Variants in MBL2 observed in about 807,000 individuals in gnomAD.
The protein encoded by MBL2 is mannose binding lectin 2, also known as mannose-binding protein C.
A neutral mutation model predicts 12.7 loss-of-function variants in MBL2; 6 were observed. The ratio of observed to expected loss-of-function variants is 0.47; its 90% CI spans 0.26 to 0.94. MBL2 has a LOEUF of 0.94. MBL2 is among the 40% of genes least tolerant of loss of function. The pLI, the probability that MBL2 is intolerant of heterozygous loss-of-function variation, is 0.15. For missense variants in MBL2, 307 were observed against 295.2 expected (o/e 1.04, Z -0.29); for synonymous variants, 114 against 112.0 (o/e 1.02, Z -0.11).
In MBL2 at chr10:52,768,226, C is replaced by T. The variant is rs772528379; in HGVS notation, c.658G>A (p.Glu220Lys). Reference sequence around the variant, plus strand: ...TTTTTCAGTAGCAATACACAATCTTCATCAGAACCAGCATTGTTGGGTTCA... The same window carrying T: ...TTTTTCAGTAGCAATACACAATCTTTATCAGAACCAGCATTGTTGGGTTCA... ...EGEPNNAGSD[E>K]DCVLLLKNGQ... Residue 220 changes from glutamate (E) to lysine (K), a missense_variant, in exon 5 of 5, where the codon GAA becomes AAA. Glu to Lys is a moderately conservative substitution (Grantham distance 56). Coordinates refer to ENST00000674931, the MANE Select transcript of MBL2 (RefSeq NM_001378373.1). 2.7e-5 allele frequency: 44 copies of T among 1,613,724 alleles called. No individual in the cohort carries two copies. In the South Asian group the frequency reaches 4.6e-4, roughly 17 times the overall value.
At chr10:52,768,611 T>A in intron 4 of MBL2, 101 bp from the exon 5 acceptor site, 1 of 761,470 alleles carries the variant, frequency 1.3e-6, no homozygotes, top group Non-Finnish European at 2.1e-6. Context: ...GGATAAAATA[T>A]AGTATGTCCA....
At position 52,767,056 on chromosome 10, in the gene MBL2, G is replaced by A. The variant is rs1224669770; in HGVS notation, c.*1081C>T. ...GGACTGCCACACATTGCCGGTAGGA[G>A]CATAAATTCATACAATCACTTAGGA... On this transcript the variant is annotated 3_prime_UTR_variant, in exon 5 of 5. Coordinates refer to ENST00000674931, the MANE Select transcript of MBL2 (RefSeq NM_001378373.1). 6.6e-6 allele frequency: 1 copy of A among 151,964 alleles called. No homozygotes were observed. Among genetic ancestry groups the A allele is most frequent in the South Asian group, 2.1e-4 (1 of 4,820 alleles). 9.4% of individuals were successfully genotyped at this position (151,964 alleles called of 1,614,324 possible). A position where few individuals can be genotyped will look rare whatever the true frequency, so the allele number is the denominator to read the frequency against.
intron 4 of MBL2, 88 bp from the exon 5 acceptor site, chr10:52,768,598 G>A: frequency 1.1e-6 from 1 of 901,376 alleles, no homozygotes; most frequent in Non-Finnish European, 1.6e-6. Flanking sequence ...GAGTACAGTT[G>A]CCGGATAAAA....
rs771569107 is a variant in MBL2 at position 52,771,522 on chromosome 10, A to G, written c.114T>C (p.Cys38=). 2 of 1,613,780 alleles carry G rather than the reference A, an allele frequency of 1.2e-6. No individual in the cohort carries two copies. Among genetic ancestry groups the G allele is most frequent in the Non-Finnish European group, 1.7e-6 (2 of 1,179,720 alleles). The change falls in exon 2 of 5, where the codon TGT becomes TGC. Residue 38 remains cysteine (C), a synonymous_variant. Transcript: ENST00000674931. ...GGAAGCCGTTGATGCCTGGAGAGCT[A>G]CAGGCAATCACTGCAGGGCAGGTCT... ...AQKTCPAVIA[C]SSPGINGFPG...
chr10:52,768,387 C>T lies in MBL2; in HGVS notation c.497G>A (p.Arg166Lys). Residue 166 changes from arginine to lysine, a missense_variant, in exon 5 of 5, where the codon AGG (arginine) becomes AAG (lysine). Transcript: ENST00000674931. ...AATGGCTCCATTCTCTGCAGCATTC[C>T]TGGGGGTGGCCACAGAGGCCTGGAA... is the stretch of plus-strand genomic sequence containing the variant. ...VKFQASVATP[R>K]NAAENGAIQN... The T allele has an allele frequency of 6.2e-7, 1 of 1,613,784 alleles. No individual in the cohort carries two copies. The highest frequency in any genetic ancestry group is 1.1e-5 in the South Asian group (1 of 91,068).
At chr10:52,770,616 T>C in intron 3 of MBL2, 54 bp downstream of exon 3, 1 of 1,120,970 alleles carries the variant, frequency 8.9e-7, no homozygotes, top group Non-Finnish European at 1.2e-6. Context: ...TACCAGATAC[T>C]CAAGGTCTCA....
rs777495382 is a variant in MBL2, at chr10:52,770,720, G to C, written c.254C>G (p.Ser85Cys). 9.8e-6 allele frequency: 15 copies of C among 1,524,822 alleles called. No homozygotes were observed. In the South Asian group the frequency reaches 1.8e-4, roughly 18 times the overall value. 94.5% of individuals were successfully genotyped at this position (1,524,822 alleles called of 1,614,324 possible). The stretch of plus-strand genomic sequence containing the variant: ...TTGGCCCTTTGGTCCTGGTGACCCA[G>C]AAGGCCCTGGATTTCCTGGAGGCCC... ...KLGPPGNPGPSGSPGPKGQKG... is the reference protein window; with the variant it reads ...KLGPPGNPGPCGSPGPKGQKG... The change falls in exon 3 of 5, where the codon TCT (serine) becomes TGT (cysteine). Residue 85 changes from serine to cysteine, a missense_variant. Coordinates refer to ENST00000674931, the MANE Select transcript of MBL2 (RefSeq NM_001378373.1).
In MBL2 at chr10:52,768,232, A is replaced by C; in HGVS notation, c.652T>G (p.Ser218Ala). The C allele has an allele frequency of 6.2e-7, 1 of 1,613,842 alleles. No homozygotes were observed. Among genetic ancestry groups the C allele is most frequent in the Non-Finnish European group, 8.5e-7 (1 of 1,180,000 alleles). The change falls in exon 5 of 5, where the codon TCT (serine) becomes GCT (alanine). Residue 218 changes from serine (S) to alanine (A), a missense_variant. Coordinates refer to ENST00000674931, the MANE Select transcript of MBL2 (RefSeq NM_001378373.1). ...WNEGEPNNAGSDEDCVLLLKN... is the reference protein window; with the variant it reads ...WNEGEPNNAGADEDCVLLLKN... ...AGTAGCAATACACAATCTTCATCAG[A>C]ACCAGCATTGTTGGGTTCACCCTCG...
intron 3 of MBL2, among the ~76,000 whole-genome samples, 192 bp downstream of exon 3, chr10:52,770,478 G>T (rs569920244): frequency 3.9e-5 from 6 of 152,298 alleles, no homozygotes; most frequent in East Asian, 1.9e-4. Flanking sequence ...TGAAAAGTTT[G>T]TAAGTCTGTA....
Position 52,768,508 on chromosome 10 carries a change from GCCCT to G in MBL2, c.374-2_375del. 1 of 1,532,848 alleles carries G rather than the reference GCCCT, an allele frequency of 6.5e-7. No homozygotes were observed. The highest frequency in any genetic ancestry group is 2.2e-5 in the Admixed American group (1 of 46,510). 95.0% of individuals were successfully genotyped at this position (1,532,848 alleles called of 1,614,324 possible). A position where few individuals can be genotyped will look rare whatever the true frequency, so the allele number is the denominator to read the frequency against. On this transcript the variant is annotated splice_acceptor_variant and coding_sequence_variant, in exon 5 of 5. Transcript: ENST00000674931. LOFTEE classifies it high-confidence loss of function. Reference sequence around the variant, plus strand: ...ACTTGTTTGCCCAGAGAGAAGGTGAGCCCTAAAATGTGAAAAAGTGGGTGAAACT... The same window carrying G: ...ACTTGTTTGCCCAGAGAGAAGGTGAGAAAATGTGAAAAAGTGGGTGAAACT...
In MBL2 at chr10:52,768,288, G is replaced by A. The variant is rs1840337079; in HGVS notation, c.596C>T (p.Thr199Ile). 5 of 1,613,702 alleles carry A rather than the reference G, an allele frequency of 3.1e-6. No homozygotes were observed. In the African/African-American group the frequency reaches 4.0e-5, roughly 13 times the overall value. The part of the protein sequence containing the change: ...EKTEGQFVDL[T>I]GNRLTYTNWN... ...GTTTGTGTAGGTCAGTCTATTTCCT[G>A]TCAGATCCACAAACTGCCCTTCTGT... The change falls in exon 5 of 5, where the codon ACA becomes ATA. Residue 199 changes from threonine (T) to isoleucine (I), a missense_variant. Physicochemically the swap from Thr to Ile is moderately conservative, Grantham distance 89. Transcript: ENST00000674931.
intron 2 of MBL2, 90 bp downstream of exon 2, chr10:52,771,359 T>A (rs1399151652): frequency 7.1e-7 from 1 of 1,411,810 alleles, no homozygotes; most frequent in Admixed American, 2.1e-5. Flanking sequence ...GAGAAAAATA[T>A]ACTCAAATAG....
intron 4 of MBL2, among the ~76,000 whole-genome samples, chr10:52,768,882 A>C (rs1351999104): frequency 6.6e-6 from 1 of 152,018 alleles, no homozygotes; most frequent in Non-Finnish European, 1.5e-5. Context: ...CCAAACAAAA[A>C]ATGTCTGAAA....
At chr10:52,769,527 T>G (rs1276887246) in intron 3 of MBL2, among the ~76,000 whole-genome samples, 1 of 152,182 alleles carries the variant, frequency 6.6e-6, no homozygotes, top group African/African-American at 2.4e-5. Context: ...CTTTGTCTGT[T>G]TACTGTATCC....
At chr10:52,770,926 G>A (rs556787959) in intron 2 of MBL2, 140 bp from the exon 3 acceptor site, 19 of 488,676 alleles carry the variant, frequency 3.9e-5, no homozygotes, top group Non-Finnish European at 6.1e-5. Context: ...CTCAATAACT[G>A]TATGGTGGGC....
Position 52,768,068 on chromosome 10 carries a change from C to T in MBL2, c.*69G>A, listed in dbSNP as rs556709033. The stretch of plus-strand genomic sequence containing the variant: ...ATATGAGGAAATTGATATAATTTAT[C>T]TTTTCAAGCATACTGTGGGCCTGTG... On this transcript the variant is annotated 3_prime_UTR_variant, in exon 5 of 5. Transcript: ENST00000674931. 1 of 1,502,160 alleles carries T rather than the reference C, an allele frequency of 6.7e-7. No individual in the cohort carries two copies. Among genetic ancestry groups the T allele is most frequent in the Non-Finnish European group, 8.9e-7 (1 of 1,123,738 alleles). The allele number at this position is 1,502,160 out of a possible 1,614,324, so 93.1% of individuals were successfully genotyped here.
chr10:52,769,065 T>C (rs555281710), intron 4 of MBL2, among the ~76,000 whole-genome samples, 182 bp downstream of exon 4: 1 of 152,136 alleles, frequency 6.6e-6, no homozygotes, highest in South Asian at 2.1e-4. Flanking sequence ...TCTGTGCATT[T>C]GAACAAGTAA....
chr10:52,768,942 G>A (rs183480530), intron 4 of MBL2, among the ~76,000 whole-genome samples: 2 of 152,118 alleles, frequency 1.3e-5, no homozygotes, highest in East Asian at 3.9e-4. Context: ...CAATACCAGT[G>A]CAACAAAGGG....
At position 52,767,915 on chromosome 10, in the gene MBL2, A is replaced by G. The variant is rs1343942511; in HGVS notation, c.*222T>C. ...TGCAAAAGATAGGGCCTCATAGTAT[A>G]TATTAAAAATATTATATAATTAGCA... On this transcript the variant is annotated 3_prime_UTR_variant, in exon 5 of 5. Coordinates refer to ENST00000674931, the MANE Select transcript of MBL2 (RefSeq NM_001378373.1). 4 of 401,784 alleles carry G rather than the reference A, an allele frequency of 1.0e-5. No homozygotes were observed. Among genetic ancestry groups the G allele is most frequent in the South Asian group, 1.7e-4 (2 of 11,856 alleles). 24.9% of individuals were successfully genotyped at this position (401,784 alleles called of 1,614,324 possible). A position where few individuals can be genotyped will look rare whatever the true frequency, so the allele number is the denominator to read the frequency against.
Sources: allele counts gnomAD v4.1 joint callset (sites outside exome capture counted in the v4.1 genomes callset), GRCh38; gene constraint gnomAD v4.1.1; transcripts MANE v1.5; gene names NCBI Gene and HGNC (gene_info 2026-07-23, HGNC 2026-07-21).